EPS8L1: variants seen among roughly 807,000 people sequenced by gnomAD.
EPS8L1 encodes epidermal growth factor receptor kinase substrate 8-like protein 1.
Under a neutral mutation model 91.7 loss-of-function variants are expected in EPS8L1, and 101 were observed. That is an observed-to-expected ratio of 1.10 (90% CI 0.94 to 1.30). EPS8L1 has a LOEUF of 1.30. Ranked by LOEUF, EPS8L1 falls within the 50% of genes most tolerant of loss-of-function variation. EPS8L1 has a pLI of 0.00. For missense variants in EPS8L1, 1,114 were observed against 1,017.0 expected (o/e 1.10, Z -1.30); for synonymous variants, 506 against 445.3 (o/e 1.14, Z -1.72).
intron 2 of EPS8L1, 27 bp from the exon 3 acceptor site, chr19:55,078,059 GTC>G: frequency 1.2e-6 from 2 of 1,612,906 alleles, no homozygotes; most frequent in Non-Finnish European, 8.5e-7. Flanking sequence ...CAGTCCCACA[GTC>G]TCTCTCATTC....
rs1268141374 is a variant in EPS8L1, at chr19:55,087,908, G to A, written c.*294G>A. Reference sequence around the variant, plus strand: ...TAATATGCGGCCCAGCCTATAAACAGCCTCCGTGCTTAGCAGATGGTGTGC... The same window carrying A: ...TAATATGCGGCCCAGCCTATAAACAACCTCCGTGCTTAGCAGATGGTGTGC... On this transcript the variant is annotated 3_prime_UTR_variant, in exon 20 of 20. Transcript: ENST00000201647. 4.7e-6 allele frequency: 2 copies of A among 422,712 alleles called. No homozygotes were observed. The highest frequency in any genetic ancestry group is 4.1e-5 in the African/African-American group (2 of 49,258). The allele number at this position is 422,712 out of a possible 1,614,324, so 26.2% of individuals were successfully genotyped here.
intron 14 of EPS8L1, chr19:55,084,173 G>A (rs2076332485): frequency 5.0e-6 from 1 of 199,568 alleles, no homozygotes; most frequent in Non-Finnish European, 1.0e-5. Context: ...TTAGGAAGTG[G>A]TAGTATCTCT....
chr19:55,086,230 A>C (rs748645149), intron 16 of EPS8L1, 38 bp downstream of exon 16: 2 of 1,594,502 alleles, frequency 1.3e-6, no homozygotes. Flanking sequence ...GAGGGTGGAG[A>C]GGCTGGGACC....
At position 55,079,696 on chromosome 19, in the gene EPS8L1, G is replaced by A; in HGVS notation, c.124G>A (p.Val42Met). 1 of 1,613,786 alleles carries A rather than the reference G, an allele frequency of 6.2e-7. No homozygotes were observed. Among genetic ancestry groups the A allele is most frequent in the South Asian group, 1.1e-5 (1 of 91,044 alleles). The change falls in exon 5 of 20, where the codon GTG (valine) becomes ATG (methionine). Residue 42 changes from valine to methionine, a missense_variant. Coordinates refer to ENST00000201647, the MANE Select transcript of EPS8L1 (RefSeq NM_133180.3). ...DVSQYPVNHL[V>M]TFCLGEDDGV... ...TCTCCATGGTCCGTACCAGCACCTGGTGACGTTCTGCCTGGGTGAGGACGA... is the reference window on the plus strand; with the variant it reads ...TCTCCATGGTCCGTACCAGCACCTGATGACGTTCTGCCTGGGTGAGGACGA...
intron 11 of EPS8L1, 38 bp downstream of exon 11, chr19:55,082,387 G>T (rs753459763): frequency 3.7e-6 from 6 of 1,612,400 alleles, no homozygotes; most frequent in South Asian, 1.1e-5. Flanking sequence ...CCCCTGCAGC[G>T]GGAGGAATCG....
rs749073588 is a variant in EPS8L1, at chr19:55,081,770, T to G, written c.775-3T>G. 1.9e-6 allele frequency: 3 copies of G among 1,608,372 alleles called. No homozygotes were observed. Among genetic ancestry groups the G allele is most frequent in the Non-Finnish European group, 2.6e-6 (3 of 1,176,424 alleles). ...CTGAGCGTCCCCCTCCTCTGTCCCC[T>G]AGGACATCCTGAACCACGTGTTCGA... is the stretch of plus-strand genomic sequence containing the variant. On this transcript the variant is annotated splice_polypyrimidine_tract_variant and splice_region_variant and intron_variant, in intron 8 of 19. Coordinates refer to ENST00000201647, the MANE Select transcript of EPS8L1 (RefSeq NM_133180.3). The surrounding 1 kb of genome is among the most constrained non-coding windows in gnomAD (Gnocchi z 4.9).
rs184296169 is a variant in EPS8L1 at position 55,087,390 on chromosome 19, G to A, written c.2040G>A (p.Gly680=). Residue 680 remains glycine (G), a synonymous_variant, in exon 19 of 20, where the codon GGG becomes GGA. Coordinates refer to ENST00000201647, the MANE Select transcript of EPS8L1 (RefSeq NM_133180.3). ...TGCGGGCGGTGAGCCCCGAGGAGGG[G>A]GCACGTGTGTACAGCCAGGTCACCG... The part of the protein sequence containing the change: ...EELRAVSPEE[G]ARVYSQVTVQ... The A allele has an allele frequency of 1.2e-6, 2 of 1,613,540 alleles. No individual in the cohort carries two copies. The highest frequency in any genetic ancestry group is 2.2e-5 in the East Asian group (1 of 44,850).
At chr19:55,079,192 C>A in intron 4 of EPS8L1, 135 bp downstream of exon 4, 1 of 847,390 alleles carries the variant, frequency 1.2e-6, no homozygotes, top group Non-Finnish European at 2.0e-6. Context: ...ATAAAATGGA[C>A]CTCCGTTGCC....
In EPS8L1 at chr19:55,086,754, GGC is replaced by G; in HGVS notation, c.1823_1824del (p.Arg608ProfsTer41). ...QMLIVNEELQARLAQGRSGPS... is the reference protein window; with the variant it reads ...QMLIVNEELQXRLAQGRSGPS... ...TGCTCATCGTCAACGAGGAACTGCAGGCGCGCCTGGCCCAGGGCCGCTCGGGA... is the reference window on the plus strand; with the variant it reads ...TGCTCATCGTCAACGAGGAACTGCAGGCGCCTGGCCCAGGGCCGCTCGGGA... On this transcript the variant is annotated frameshift_variant, in exon 18 of 20. Transcript: ENST00000201647. LOFTEE classifies it high-confidence loss of function. 1 of 1,610,912 alleles carries G rather than the reference GGC, an allele frequency of 6.2e-7. No homozygotes were observed. Among genetic ancestry groups the G allele is most frequent in the Non-Finnish European group, 8.5e-7 (1 of 1,179,256 alleles).
At chr19:55,077,045 G>A (rs1022435489) in intron 2 of EPS8L1, among the ~76,000 whole-genome samples, 9 of 152,166 alleles carry the variant, frequency 5.9e-5, no homozygotes, top group African/African-American at 2.2e-4. Context: ...GCAGGAGCAG[G>A]ATGAGGAACA....
chr19:55,076,441 C>T lies in EPS8L1; in HGVS notation c.-4C>T. The T allele has an allele frequency of 6.2e-7, 1 of 1,612,320 alleles. No individual in the cohort carries two copies. Among genetic ancestry groups the T allele is most frequent in the South Asian group, 1.1e-5 (1 of 91,026 alleles). On this transcript the variant is annotated 5_prime_UTR_variant, in exon 2 of 20. Transcript: ENST00000201647. ...CAGGTGGGCAGGAGCTACCACTCAGCACCATGAGCACCGCCACAGGGTAAG... is the reference window on the plus strand; with the variant it reads ...CAGGTGGGCAGGAGCTACCACTCAGTACCATGAGCACCGCCACAGGGTAAG...
At chr19:55,087,207 G>C (rs2076361984) in intron 18 of EPS8L1, 96 bp from the exon 19 acceptor site, 2 of 1,495,042 alleles carry the variant, frequency 1.3e-6, no homozygotes, top group Non-Finnish European at 1.8e-6. Flanking sequence ...CTAGAATGCT[G>C]TTCTGATTGG....
At chr19:55,087,011 A>T in intron 18 of EPS8L1, 123 bp downstream of exon 18, 1 of 1,289,012 alleles carries the variant, frequency 7.8e-7, no homozygotes, top group South Asian at 1.6e-5. Flanking sequence ...ATTAGCCCGA[A>T]GTGAGGGTCT....
rs1241270421 is a variant in EPS8L1 at position 55,080,161 on chromosome 19, C to T, written c.312C>T (p.Ile104=). The change falls in exon 6 of 20, where the codon ATC becomes ATT. Residue 104 remains isoleucine, a synonymous_variant. Transcript: ENST00000201647. ...EELESYPLGA[I]VRCDAVMPPG... ...TGGAGTCGTACCCACTGGGCGCCAT[C>T]GTGCGCTGTGACGCGGTGATGCCAC... The T allele has an allele frequency of 9.2e-6, 14 of 1,526,302 alleles. No individual in the cohort carries two copies. Among genetic ancestry groups the T allele is most frequent in the Non-Finnish European group, 9.7e-6 (11 of 1,130,666 alleles). The allele number at this position is 1,526,302 out of a possible 1,614,324, so 94.5% of individuals were successfully genotyped here. A position where few individuals can be genotyped will look rare whatever the true frequency, so the allele number is the denominator to read the frequency against.
rs1227132459 is a variant in EPS8L1 at position 55,081,327 on chromosome 19, A to G, written c.609A>G (p.Val203=). 2 of 1,557,142 alleles carry G rather than the reference A, an allele frequency of 1.3e-6. No individual in the cohort carries two copies. Among genetic ancestry groups the G allele is most frequent in the Non-Finnish European group, 1.7e-6 (2 of 1,157,000 alleles). Residue 203 remains valine, a synonymous_variant, in exon 8 of 20, where the codon GTA becomes GTG. Coordinates refer to ENST00000201647, the MANE Select transcript of EPS8L1 (RefSeq NM_133180.3). This position sits in a 1 kb window ranked among gnomAD's most constrained non-coding sequence, Gnocchi z 4.9. ...RPSVRAVIST[V]ERGAGRGRPQ... ...CAGTCCGCGCAGTGATCAGCACCGT[A>G]GAGCGGGGCGCGGGCCGCGGACGAC...
At chr19:55,076,653 G>A (rs1387486499) in intron 2 of EPS8L1, among the ~76,000 whole-genome samples, 192 bp downstream of exon 2, 1 of 152,212 alleles carries the variant, frequency 6.6e-6, no homozygotes, top group African/African-American at 2.4e-5. Flanking sequence ...CCCCACTGCA[G>A]AGCAGACAGG....
chr19:55,082,390 A>T (rs780774728), intron 11 of EPS8L1, 41 bp downstream of exon 11: 4 of 1,612,268 alleles, frequency 2.5e-6, no homozygotes, highest in Non-Finnish European at 3.4e-6. Context: ...CTGCAGCGGG[A>T]GGAATCGGGT....
intron 6 of EPS8L1, 68 bp downstream of exon 6, chr19:55,080,346 G>C (rs1436056428): frequency 1.0e-5 from 16 of 1,544,668 alleles, no homozygotes; most frequent in Middle Eastern, 2.3e-4. Context: ...GGGCGGAAAT[G>C]GGTGGGGCCT....
Position 55,079,688 on chromosome 19 carries a change from A to T in EPS8L1, c.118-2A>T. The stretch of plus-strand genomic sequence containing the variant: ...CACTGCTTTCTCCATGGTCCGTACC[A>T]GCACCTGGTGACGTTCTGCCTGGGT... On this transcript the variant is annotated splice_acceptor_variant, in intron 4 of 19. Transcript: ENST00000201647. LOFTEE classifies it high-confidence loss of function. 5 of 1,613,484 alleles carry T rather than the reference A, an allele frequency of 3.1e-6. No individual in the cohort carries two copies. Among genetic ancestry groups the T allele is most frequent in the Non-Finnish European group, 4.2e-6 (5 of 1,179,620 alleles).
Sources: gnomAD v4.1 joint callset for allele counts (sites outside exome capture counted in the v4.1 genomes callset) on GRCh38, gnomAD v4.1.1 for gene constraint, Gnocchi (gnomAD v3.1) non-coding constraint, MANE v1.5 for transcripts, NCBI Gene and HGNC (gene_info 2026-07-23, HGNC 2026-07-21) for gene names.